DTNBP1: variants seen among roughly 807,000 people sequenced by gnomAD.
DTNBP1 encodes the protein dystrobrevin binding protein 1.
A neutral mutation model predicts 42.8 loss-of-function variants in DTNBP1; 35 were observed. The ratio of observed to expected loss-of-function variants is 0.82; its 90% CI spans 0.63 to 1.09. DTNBP1 has a LOEUF of 1.09. Ranked by LOEUF, DTNBP1 falls within the 50% of genes least tolerant of loss-of-function variation. DTNBP1 has a pLI of 0.00. For missense variants in DTNBP1, 457 were observed against 424.2 expected, an observed-to-expected ratio of 1.08 and a Z score of -0.68; for synonymous variants, 171 against 162.2, an observed-to-expected ratio of 1.05 and a Z score of -0.41.
intron 7 of DTNBP1, among the ~76,000 whole-genome samples, chr6:15,585,261 T>C (rs1776028377): frequency 6.6e-6 from 1 of 151,516 alleles, no homozygotes; most frequent in South Asian, 2.1e-4. Context: ...AACTGCCTCT[T>C]GGAAAATGAA....
At chr6:15,574,717 G>A (rs1455453220) in intron 7 of DTNBP1, among the ~76,000 whole-genome samples, 1 of 152,072 alleles carries the variant, frequency 6.6e-6, no homozygotes, top group Non-Finnish European at 1.5e-5. Context: ...ACAGTGAAGT[G>A]TCTAATCATT....
At chr6:15,523,562 C>CTTTTT (rs5874516) in intron 9 of DTNBP1, 1 of 1,038,374 alleles carries the variant, frequency 9.6e-7, no homozygotes, top group African/African-American at 1.7e-5. Context: ...ATCTAGATTT[C>CTTTTT]TTTTTTTTTT....
At chr6:15,597,848 G>T (rs1224537207) in intron 6 of DTNBP1, among the ~76,000 whole-genome samples, 4 of 152,212 alleles carry the variant, frequency 2.6e-5, no homozygotes, top group Non-Finnish European at 5.9e-5. Flanking sequence ...ATAAAATATA[G>T]ATTTTATTTT....
intron 7 of DTNBP1, among the ~76,000 whole-genome samples, chr6:15,557,423 A>G (rs1394867855): frequency 2.6e-5 from 4 of 152,182 alleles, no homozygotes; most frequent in Admixed American, 6.5e-5. Flanking sequence ...CAGTTTTTAC[A>G]TAAATTGAAT....
intron 3 of DTNBP1, among the ~76,000 whole-genome samples, chr6:15,649,012 C>A (rs1397585342): frequency 6.6e-6 from 1 of 151,946 alleles, no homozygotes; most frequent in East Asian, 1.9e-4. Flanking sequence ...AAGAAAATAG[C>A]GAGCGTTGGT....
intron 7 of DTNBP1, chr6:15,585,722 G>C: frequency 6.5e-7 from 1 of 1,535,110 alleles, no homozygotes; most frequent in Non-Finnish European, 8.7e-7. Flanking sequence ...CACCTACAGG[G>C]ATCCCTCTGA....
At chr6:15,654,992 T>C (rs1761204259) in intron 1 of DTNBP1, among the ~76,000 whole-genome samples, 1 of 152,220 alleles carries the variant, frequency 6.6e-6, no homozygotes, top group Non-Finnish European at 1.5e-5. Flanking sequence ...TAGGCAAGTC[T>C]GAGATTTACA....
intron 7 of DTNBP1, among the ~76,000 whole-genome samples, chr6:15,577,820 C>A (rs1419349234): frequency 6.6e-6 from 1 of 152,108 alleles, no homozygotes; most frequent in East Asian, 1.9e-4. Flanking sequence ...CAAGGATTAA[C>A]CCCAGAGGCA....
intron 8 of DTNBP1, among the ~76,000 whole-genome samples, chr6:15,531,694 C>T (rs113900967): frequency 0.029 from 4,445 of 152,144 alleles, 85 homozygotes; most frequent in South Asian, 0.053. Flanking sequence ...AGTGCAGTGG[C>T]GCGATCTCAG....
At chr6:15,608,337 A>G (rs1426464354) in intron 6 of DTNBP1, among the ~76,000 whole-genome samples, 3 of 152,154 alleles carry the variant, frequency 2.0e-5, no homozygotes, top group Admixed American at 6.5e-5. Context: ...TAATAATTCA[A>G]GTTATAAATA....
At chr6:15,654,510 C>T (rs1030197904) in intron 1 of DTNBP1, among the ~76,000 whole-genome samples, 1 of 152,136 alleles carries the variant, frequency 6.6e-6, no homozygotes, top group African/African-American at 2.4e-5. Flanking sequence ...TATGATCCAG[C>T]AAATCTCTAA....
intron 3 of DTNBP1, among the ~76,000 whole-genome samples, chr6:15,650,136 T>A (rs1056547034): frequency 1.3e-5 from 2 of 152,148 alleles, no homozygotes; most frequent in African/African-American, 4.8e-5. Flanking sequence ...TAGGTATCAG[T>A]GATTGTGTCA....
chr6:15,591,797 TC>T (rs1208317311), intron 7 of DTNBP1, among the ~76,000 whole-genome samples: 3 of 152,210 alleles, frequency 2.0e-5, no homozygotes, highest in Admixed American at 6.5e-5. Context: ...ATTGTTTTTT[TC>T]ATCTCTTACT....
At chr6:15,591,523 G>A (rs978764543) in intron 7 of DTNBP1, among the ~76,000 whole-genome samples, 1 of 152,178 alleles carries the variant, frequency 6.6e-6, no homozygotes, top group African/African-American at 2.4e-5. Flanking sequence ...TCATATTTGA[G>A]ATCTTTAATT....
At position 15,593,088 on chromosome 6, in the gene DTNBP1, GAAA is replaced by G. The variant is rs199770715; in HGVS notation, c.489-10_489-8del. The G allele has an allele frequency of 4.6e-4, 618 of 1,338,252 alleles. No homozygotes were observed. Among genetic ancestry groups the G allele is most frequent in the Admixed American group, 1.4e-3 (58 of 42,164 alleles). The allele number at this position is 1,338,252 out of a possible 1,614,324, so 82.9% of individuals were successfully genotyped here. ...GAAGGTTTCAAGTTCCTTCCTGTAG[GAAA>G]AAAAAAAAAAAGACAAGACAATGCA... On this transcript the variant is annotated splice_region_variant and splice_polypyrimidine_tract_variant and intron_variant, in intron 6 of 9. Coordinates refer to ENST00000344537, the MANE Select transcript of DTNBP1 (RefSeq NM_032122.5).
intron 6 of DTNBP1, among the ~76,000 whole-genome samples, chr6:15,614,225 T>C (rs2113698848): frequency 6.6e-6 from 1 of 152,150 alleles, no homozygotes; most frequent in East Asian, 1.9e-4. Flanking sequence ...ACCTATGTAT[T>C]AGCTTCATTG....
chr6:15,662,536 A>C (rs1206435440), intron 1 of DTNBP1, among the ~76,000 whole-genome samples: 1 of 152,152 alleles, frequency 6.6e-6, no homozygotes, highest in Non-Finnish European at 1.5e-5. Context: ...AAAGGACCGC[A>C]GGGTCCCACA....
At chr6:15,634,444 G>A (rs1374973939) in intron 4 of DTNBP1, among the ~76,000 whole-genome samples, 3 of 151,972 alleles carry the variant, frequency 2.0e-5, no homozygotes. Flanking sequence ...AGCCTCCCAA[G>A]TAGCTGGAAT....
At chr6:15,591,697 C>G (rs1171206593) in intron 7 of DTNBP1, among the ~76,000 whole-genome samples, 1 of 152,110 alleles carries the variant, frequency 6.6e-6, no homozygotes, top group African/African-American at 2.4e-5. Context: ...TATTGTCACA[C>G]TAAAAAAAGT....
Sources: allele counts gnomAD v4.1 joint callset (sites outside exome capture counted in the v4.1 genomes callset), GRCh38; gene constraint gnomAD v4.1.1; transcripts MANE v1.5; gene names NCBI Gene and HGNC (gene_info 2026-07-23, HGNC 2026-07-21).